RBFOX1: variants seen among roughly 807,000 people sequenced by gnomAD.
RBFOX1 encodes RNA binding fox-1 homolog 1.
RBFOX1 carries 8 observed loss-of-function variants against 57.7 expected under a neutral mutation model. The ratio of observed to expected loss-of-function variants is 0.14; its 90% CI spans 0.08 to 0.25. The LOEUF is 0.25. RBFOX1 is among the 10% of genes least tolerant of loss of function. The pLI is 1.00. For missense variants in RBFOX1, 611 were observed against 548.5 expected, an observed-to-expected ratio of 1.11 and a Z score of -1.14; for synonymous variants, 326 against 222.4, an observed-to-expected ratio of 1.47 and a Z score of -4.15.
chr16:5,529,501 A>G (rs10852657), intron 2 of RBFOX1, among the ~76,000 whole-genome samples: 44,865 of 150,468 alleles, frequency 0.3, 7,295 homozygotes, highest in Non-Finnish European at 0.36. Context: ...GGTTCAAGCA[A>G]TTCTCCTGCC....
chr16:6,509,210 G>C (rs2096193069), intron 2 of RBFOX1, among the ~76,000 whole-genome samples: 1 of 152,138 alleles, frequency 6.6e-6, no homozygotes, highest in Non-Finnish European at 1.5e-5. Flanking sequence ...TTTTTGGGGG[G>C]AGCTGGCCAA....
intron 3 of RBFOX1, among the ~76,000 whole-genome samples, chr16:7,029,820 G>T (rs1329959340): frequency 6.6e-6 from 1 of 152,112 alleles, no homozygotes; most frequent in Non-Finnish European, 1.5e-5. Flanking sequence ...GAAAAGCATG[G>T]CTTGTGGATT....
intron 2 of RBFOX1, among the ~76,000 whole-genome samples, chr16:5,476,395 C>G (rs935290546): frequency 2.6e-5 from 4 of 152,186 alleles, no homozygotes; most frequent in African/African-American, 9.7e-5. Context: ...CTAATGCCTT[C>G]ATGTGATTGC....
intron 1 of RBFOX1, among the ~76,000 whole-genome samples, chr16:6,215,191 AGAG>A (rs1169728492): frequency 9.1e-5 from 11 of 120,606 alleles, no homozygotes; most frequent in Admixed American, 4.4e-4. Flanking sequence ...AGAGAGAAGG[AGAG>A]GAGGATAAGG....
At chr16:7,005,607 A>C (rs1351177212) in intron 3 of RBFOX1, among the ~76,000 whole-genome samples, 1 of 152,170 alleles carries the variant, frequency 6.6e-6, no homozygotes, top group Admixed American at 6.5e-5. Flanking sequence ...TGTTGGTAGG[A>C]GGTGGCTTGA....
chr16:5,632,083 A>G (rs1019024184), intron 3 of RBFOX1, among the ~76,000 whole-genome samples: 3 of 152,254 alleles, frequency 2.0e-5, no homozygotes, highest in African/African-American at 7.2e-5. Flanking sequence ...GCACAGAGGT[A>G]CCAGAGGAAG....
chr16:5,417,460 G>A (rs1384799670), intron 1 of RBFOX1, among the ~76,000 whole-genome samples: 7 of 152,198 alleles, frequency 4.6e-5, no homozygotes, highest in Non-Finnish European at 4.4e-5. Flanking sequence ...TGTGGTGAAA[G>A]AGCACAGTGA....
At chr16:6,867,181 G>A (rs901428467) in intron 3 of RBFOX1, among the ~76,000 whole-genome samples, 14 of 152,100 alleles carry the variant, frequency 9.2e-5, no homozygotes, top group African/African-American at 3.4e-4. Flanking sequence ...TTTCTTCTTG[G>A]TCTTGCAAAG....
chr16:7,295,298 T>C (rs933827618), intron 4 of RBFOX1, among the ~76,000 whole-genome samples: 1 of 152,330 alleles, frequency 6.6e-6, no homozygotes, highest in Non-Finnish European at 1.5e-5. Context: ...GAAAATTGTA[T>C]CTGAAGTTAG....
At chr16:5,357,413 A>C (rs913169543) in intron 1 of RBFOX1, among the ~76,000 whole-genome samples, 3 of 152,230 alleles carry the variant, frequency 2.0e-5, no homozygotes, top group Non-Finnish European at 4.4e-5. Context: ...TGGTTTCTGC[A>C]TTGTTCACAA....
At chr16:6,691,687 T>A (rs1568234265) in intron 3 of RBFOX1, among the ~76,000 whole-genome samples, 1 of 152,204 alleles carries the variant, frequency 6.6e-6, no homozygotes, top group Non-Finnish European at 1.5e-5. Flanking sequence ...TCCTCCAAAC[T>A]GTCCACGTCC....
At chr16:7,366,870 G>A (rs1483429362) in intron 4 of RBFOX1, among the ~76,000 whole-genome samples, 9 of 152,148 alleles carry the variant, frequency 5.9e-5, no homozygotes, top group East Asian at 1.9e-4. Context: ...AGAAGAAAGC[G>A]CATAGAGCTT....
At chr16:6,766,039 C>T (rs370657090) in intron 3 of RBFOX1, among the ~76,000 whole-genome samples, 13 of 152,124 alleles carry the variant, frequency 8.5e-5, no homozygotes, top group East Asian at 7.8e-4. Context: ...GTACACTACT[C>T]GGGTGGCAGG....
chr16:7,527,919 A>C (rs2152334053), intron 5 of RBFOX1, among the ~76,000 whole-genome samples: 1 of 152,334 alleles, frequency 6.6e-6, no homozygotes, highest in African/African-American at 2.4e-5. Context: ...TCAAGTGCCA[A>C]ACTAAAACTC....
intron 2 of RBFOX1, among the ~76,000 whole-genome samples, chr16:5,525,558 C>A (rs1286110889): frequency 7.4e-6 from 1 of 134,992 alleles, no homozygotes; most frequent in Non-Finnish European, 1.5e-5. Flanking sequence ...AGTGCAGTGG[C>A]GTGATCTCAG....
chr16:5,467,691 G>A (rs2068995903), intron 2 of RBFOX1, among the ~76,000 whole-genome samples: 1 of 152,066 alleles, frequency 6.6e-6, no homozygotes, highest in Admixed American at 6.5e-5. Flanking sequence ...TATACCTTAG[G>A]GCAATGCATT....
chr16:5,683,405 A>G (rs1278786542), intron 3 of RBFOX1, among the ~76,000 whole-genome samples: 2 of 151,992 alleles, frequency 1.3e-5, no homozygotes, highest in Admixed American at 6.6e-5. Flanking sequence ...CATACAAAGT[A>G]TTAGTCCTGG....
At chr16:7,537,237 G>A (rs2081693521) in intron 5 of RBFOX1, among the ~76,000 whole-genome samples, 1 of 152,204 alleles carries the variant, frequency 6.6e-6, no homozygotes, top group African/African-American at 2.4e-5. Flanking sequence ...AACTAGAATG[G>A]TCTGGAACAT....
chr16:5,743,642 A>G (rs1265891312), intron 3 of RBFOX1, among the ~76,000 whole-genome samples: 1 of 152,216 alleles, frequency 6.6e-6, no homozygotes, highest in East Asian at 1.9e-4. Context: ...AAAATCACAC[A>G]TGATTTTCAT....
Sources: allele counts gnomAD v4.1 joint callset (sites outside exome capture counted in the v4.1 genomes callset), GRCh38; gene constraint gnomAD v4.1.1; transcripts MANE v1.5; gene names NCBI Gene and HGNC (gene_info 2026-07-23, HGNC 2026-07-21).